The following PAK1 variants were observed in gnomAD, a reference collection of about 807,000 sequenced individuals.
PAK1 encodes the protein p21 (RAC1) activated kinase 1.
A neutral mutation model predicts 67.4 loss-of-function variants in PAK1; 29 were observed. The observed-to-expected ratio is 0.43, with a 90% CI of 0.32 to 0.59. The LOEUF (loss-of-function observed/expected upper bound fraction) is 0.59. PAK1 is among the 20% of genes least tolerant of loss of function. PAK1 has a pLI of 0.07. For missense variants in PAK1, 337 were observed against 670.7 expected, an observed-to-expected ratio of 0.50 and a Z score of 5.50; for synonymous variants, 223 against 237.4, an observed-to-expected ratio of 0.94 and a Z score of 0.56.
At chr11:77,414,212 C>G (rs1249086479) in intron 1 of PAK1, among the ~76,000 whole-genome samples, 1 of 152,226 alleles carries the variant, frequency 6.6e-6, no homozygotes. Flanking sequence ...GATAAATACT[C>G]CCAGTTCTTT....
At chr11:77,340,519 G>A (rs1943439133) in intron 11 of PAK1, 127 bp downstream of exon 11, 1 of 690,766 alleles carries the variant, frequency 1.4e-6, no homozygotes, top group Admixed American at 2.1e-5. Context: ...AGGAATGATA[G>A]CAGTGTCAGC....
the PAK1 span, among the ~76,000 whole-genome samples, chr11:77,494,883 G>C: frequency 2.0e-5 from 3 of 152,064 alleles, no homozygotes; most frequent in Non-Finnish European, 4.4e-5. Context: ...TAAAAATTAG[G>C]CTGGGCGCGG....
intron 2 of PAK1, among the ~76,000 whole-genome samples, chr11:77,389,139 G>C (rs1439805360): frequency 1.3e-5 from 2 of 151,968 alleles, no homozygotes; most frequent in African/African-American, 4.8e-5. Flanking sequence ...TTCTATCTAT[G>C]AATTTACCAA....
chr11:77,483,497 A>C, the PAK1 span, among the ~76,000 whole-genome samples: 1 of 152,256 alleles, frequency 6.6e-6, no homozygotes, highest in Non-Finnish European at 1.5e-5. Context: ...TTTCTTTAAA[A>C]AGGAAAATCT....
rs1185218413 is a variant in PAK1 at position 77,473,962 on chromosome 11, G to C, written c.-432C>G. 1 of 151,828 alleles carries C rather than the reference G, an allele frequency of 6.6e-6. No individual in the cohort carries two copies. Among genetic ancestry groups the C allele is most frequent in the Non-Finnish European group, 1.5e-5 (1 of 68,162 alleles). 9.4% of individuals were successfully genotyped at this position (151,828 alleles called of 1,614,324 possible). A position where few individuals can be genotyped will look rare whatever the true frequency, so the allele number is the denominator to read the frequency against. The stretch of plus-strand genomic sequence containing the variant: ...GGACTGCAGAGCCTGTGAGGGAAGC[G>C]CGATGGGCGAGCGAGGGGGCGGGAG... On this transcript the variant is annotated 5_prime_UTR_variant, in exon 1 of 15. Coordinates refer to ENST00000356341, the MANE Select transcript of PAK1 (RefSeq NM_002576.5).
At chr11:77,416,625 C>G (rs1954967634) in intron 1 of PAK1, among the ~76,000 whole-genome samples, 1 of 152,114 alleles carries the variant, frequency 6.6e-6, no homozygotes, top group Non-Finnish European at 1.5e-5. Context: ...AAACCAGTAA[C>G]AGAGTCATTT....
Position 77,402,164 on chromosome 11 carries a change from A to C in PAK1, c.-21-9623T>G, listed in dbSNP as rs186255288. Among the ~76,000 whole-genome samples, 100 of 152,320 alleles carry C rather than the reference A, an allele frequency of 6.6e-4. 1 individual carries two copies. Among genetic ancestry groups the C allele is most frequent in the Middle Eastern group, 6.8e-3 (2 of 294 alleles). ...TACTAGCTTCTGATTATTCTCTTGAAAACTCTCTTTCTACACTAATTACGT... is the reference window on the plus strand; with the variant it reads ...TACTAGCTTCTGATTATTCTCTTGACAACTCTCTTTCTACACTAATTACGT... On this transcript the variant is annotated intron_variant, in intron 1 of 14. Coordinates refer to ENST00000356341, the MANE Select transcript of PAK1 (RefSeq NM_002576.5).
At chr11:77,372,456 C>T (rs751765717) in intron 5 of PAK1, among the ~76,000 whole-genome samples, 5 of 152,192 alleles carry the variant, frequency 3.3e-5, no homozygotes, top group Non-Finnish European at 2.9e-5. Flanking sequence ...AAGGATCCAA[C>T]AGGTTGCAAG....
intron 1 of PAK1, among the ~76,000 whole-genome samples, chr11:77,454,954 T>G (rs1957020118): frequency 6.6e-6 from 1 of 152,158 alleles, no homozygotes; most frequent in Non-Finnish European, 1.5e-5. Context: ...TTTTTGTCCA[T>G]TTTCTGAAAT....
At chr11:77,523,199 C>T in the PAK1 span, among the ~76,000 whole-genome samples, 3 of 152,116 alleles carry the variant, frequency 2.0e-5, no homozygotes, top group Non-Finnish European at 4.4e-5. Context: ...AATAAACGTG[C>T]ACATGTACCC....
chr11:77,489,776 A>G, the PAK1 span, among the ~76,000 whole-genome samples: 2 of 151,838 alleles, frequency 1.3e-5, no homozygotes, highest in South Asian at 4.1e-4. Flanking sequence ...GCTGGAGTGC[A>G]GTGGCGTGAT....
chr11:77,407,837 CG>C (rs1953847236), intron 1 of PAK1, among the ~76,000 whole-genome samples: 1 of 152,182 alleles, frequency 6.6e-6, no homozygotes, highest in Non-Finnish European at 1.5e-5. Flanking sequence ...TTAACAGGGA[CG>C]AAGTCTGTTT....
rs558574486 is a variant in PAK1 at position 77,467,117 on chromosome 11, T to C, written c.-22+6435A>G. 8.1e-4 allele frequency among the ~76,000 whole-genome samples: 124 copies of C among 152,262 alleles called. 1 individual carries two copies. The highest frequency in any genetic ancestry group is 2.9e-3 in the African/African-American group (120 of 41,552). ...GGCTCTCAAATCTTCTGCTCACATA[T>C]TGCTCTCTCTTTCAAGAGGGTCCAT... On this transcript the variant is annotated intron_variant, in intron 1 of 14. Coordinates refer to ENST00000356341, the MANE Select transcript of PAK1 (RefSeq NM_002576.5).
At chr11:77,379,189 C>A in intron 4 of PAK1, 52 bp downstream of exon 4, 4 of 1,467,166 alleles carry the variant, frequency 2.7e-6, no homozygotes, top group Non-Finnish European at 3.7e-6. Flanking sequence ...AGCTTTCCCA[C>A]CCAGATTAAA....
intron 1 of PAK1, among the ~76,000 whole-genome samples, chr11:77,393,285 AAG>A (rs35216521): frequency 0.3 from 41,895 of 141,094 alleles, 6,245 homozygotes; most frequent in Non-Finnish European, 0.33. Flanking sequence ...TAAAAAAAAA[AAG>A]AGAGAGAGAG....
At chr11:77,433,548 G>A (rs1273102254) in intron 1 of PAK1, among the ~76,000 whole-genome samples, 3 of 152,170 alleles carry the variant, frequency 2.0e-5, no homozygotes, top group Non-Finnish European at 4.4e-5. Context: ...GGGGGGCCGA[G>A]GCAGGCGGAT....
intron 5 of PAK1, among the ~76,000 whole-genome samples, chr11:77,361,635 T>C (rs1694757562): frequency 6.6e-6 from 1 of 152,110 alleles, no homozygotes; most frequent in African/African-American, 2.4e-5. Flanking sequence ...TTTTAATCAA[T>C]GGCAATAAAA....
chr11:77,389,710 C>T (rs1011115813), intron 2 of PAK1, among the ~76,000 whole-genome samples: 2 of 152,118 alleles, frequency 1.3e-5, no homozygotes, highest in South Asian at 4.1e-4. Flanking sequence ...ACTTGTCTTT[C>T]GGTTGTTGAC....
At chr11:77,512,735 C>T in the PAK1 span, among the ~76,000 whole-genome samples, 1 of 152,152 alleles carries the variant, frequency 6.6e-6, no homozygotes, top group Non-Finnish European at 1.5e-5. Context: ...ATGCTTTTCA[C>T]TATTTTTATT....
Sources: allele counts gnomAD v4.1 joint callset (sites outside exome capture counted in the v4.1 genomes callset), GRCh38; gene constraint gnomAD v4.1.1; transcripts MANE v1.5; gene names NCBI Gene and HGNC (gene_info 2026-07-23, HGNC 2026-07-21).